BRSK2: variants seen among roughly 807,000 people sequenced by gnomAD.
The protein encoded by BRSK2 is serine/threonine-protein kinase BRSK2.
BRSK2 carries 19 observed loss-of-function variants against 83.3 expected under a neutral mutation model. The ratio of observed to expected loss-of-function variants is 0.23; its 90% CI spans 0.16 to 0.33. BRSK2 has a LOEUF of 0.33. Ranked by LOEUF, BRSK2 falls within the 10% of genes least tolerant of loss-of-function variation. BRSK2 has a pLI of 1.00. For missense variants in BRSK2, 798 were observed against 1,042.3 expected (o/e 0.77, Z 3.23); for synonymous variants, 519 against 435.4 (o/e 1.19, Z -2.39).
At position 1,436,115 on chromosome 11, in the gene BRSK2, G is replaced by A. The variant is rs1456435938; in HGVS notation, c.167G>A (p.Ser56Asn). 6.3e-7 allele frequency: 1 copy of A among 1,594,002 alleles called. No homozygotes were observed. Among genetic ancestry groups the A allele is most frequent in the Non-Finnish European group, 8.5e-7 (1 of 1,171,396 alleles). Reference sequence around the variant, plus strand: ...AAGATCGTCAACCGTGAGAAGCTCAGCGAGTCGGTGCTGATGAAGGTGGGT... The same window carrying A: ...AAGATCGTCAACCGTGAGAAGCTCAACGAGTCGGTGCTGATGAAGGTGGGT... ...AIKIVNREKL[S>N]ESVLMKVERE... is the part of the protein sequence containing the mutation. Residue 56 changes from serine (S) to asparagine (N), a missense_variant, in exon 2 of 20, where the codon AGC becomes AAC. Coordinates refer to ENST00000528841, the MANE Select transcript of BRSK2 (RefSeq NM_001256627.2).
intron 1 of BRSK2, among the ~76,000 whole-genome samples, chr11:1,392,042 C>G (rs1187486632): frequency 6.6e-6 from 1 of 152,094 alleles, no homozygotes; most frequent in African/African-American, 2.4e-5. Flanking sequence ...ACAAAGCGGC[C>G]CCTCTCTCCC....
chr11:1,447,442 C>G (rs1852306714), intron 12 of BRSK2, among the ~76,000 whole-genome samples: 1 of 152,202 alleles, frequency 6.6e-6, no homozygotes, highest in Non-Finnish European at 1.5e-5. Context: ...AGGCCATGGA[C>G]CATTCCGGGG....
chr11:1,410,648 C>G, intron 1 of BRSK2: 1 of 985,428 alleles, frequency 1.0e-6, no homozygotes, highest in Non-Finnish European at 1.2e-6. Context: ...GTCACCCACC[C>G]AGGCACACCT....
intron 1 of BRSK2, among the ~76,000 whole-genome samples, chr11:1,400,204 C>T (rs566780097): frequency 2.0e-5 from 3 of 152,338 alleles, no homozygotes; most frequent in South Asian, 4.1e-4. Context: ...AGTGGGCAGG[C>T]GCTGGGCTCT....
Position 1,454,685 on chromosome 11 carries a change from T to C in BRSK2, c.1668+77T>C. ...GCCCAGCCCCGAGAATCCAGCCTCC[T>C]CACGTAGACAGGACATGTCCACGCG... On this transcript the variant is annotated intron_variant, in intron 16 of 19. Coordinates refer to ENST00000528841, the MANE Select transcript of BRSK2 (RefSeq NM_001256627.2). The surrounding 1 kb of genome is among the most constrained non-coding windows in gnomAD (Gnocchi z 5.2). 1 of 1,564,144 alleles carries C rather than the reference T, an allele frequency of 6.4e-7. No homozygotes were observed. The highest frequency in any genetic ancestry group is 8.7e-7 in the Non-Finnish European group (1 of 1,147,852).
intron 1 of BRSK2, among the ~76,000 whole-genome samples, chr11:1,403,179 C>T (rs569335529): frequency 5.9e-5 from 9 of 152,276 alleles, no homozygotes; most frequent in African/African-American, 1.9e-4. Flanking sequence ...GTCTGTGTCA[C>T]GCTACCCTTC....
chr11:1,391,116 G>A (rs113932810), intron 1 of BRSK2, among the ~76,000 whole-genome samples: 1 of 152,228 alleles, frequency 6.6e-6, no homozygotes, highest in African/African-American at 2.4e-5. Context: ...CTGCGGGGCC[G>A]AACCCAGGCC....
intron 8 of BRSK2, among the ~76,000 whole-genome samples, chr11:1,444,529 T>C (rs6578384): frequency 1 from 152,097 of 152,204 alleles, 75,995 homozygotes; most frequent in Middle Eastern, 1. Context: ...GCCGGGTTCT[T>C]CTGGCTTCAG....
intron 1 of BRSK2, among the ~76,000 whole-genome samples, chr11:1,397,379 G>A (rs959412043): frequency 2.6e-5 from 4 of 152,220 alleles, no homozygotes; most frequent in Non-Finnish European, 5.9e-5. Context: ...TTGTTCTACC[G>A]CCTCTGAGGG....
chr11:1,421,741 C>G (rs1848650158), intron 1 of BRSK2, among the ~76,000 whole-genome samples: 2 of 151,688 alleles, frequency 1.3e-5, no homozygotes, highest in Non-Finnish European at 1.5e-5. Context: ...GTGCATAGAG[C>G]CTGGGTGCCC....
intron 1 of BRSK2, chr11:1,410,569 G>A (rs751049819): frequency 2.2e-5 from 22 of 985,346 alleles, no homozygotes; most frequent in Non-Finnish European, 2.7e-5. Context: ...ATGTCGTCAG[G>A]CTCTCTGGTC....
chr11:1,460,419 TC>T, intron 19 of BRSK2, 80 bp from the exon 20 acceptor site: 1 of 945,706 alleles, frequency 1.1e-6, no homozygotes, highest in Non-Finnish European at 1.4e-6. Flanking sequence ...TCTCTCTCCT[TC>T]CCTCCCCTCC....
At chr11:1,427,079 G>A (rs192158909) in intron 1 of BRSK2, among the ~76,000 whole-genome samples, 227 of 152,268 alleles carry the variant, frequency 1.5e-3, no homozygotes, top group African/African-American at 5.0e-3. Flanking sequence ...AGAGCAGCCC[G>A]TCCAGCCCTA....
At chr11:1,408,967 GGTGTGT>G (rs149657655) in intron 1 of BRSK2, among the ~76,000 whole-genome samples, 5 of 120,906 alleles carry the variant, frequency 4.1e-5, no homozygotes, top group Non-Finnish European at 9.6e-5. Flanking sequence ...TGCCTGTGCA[GGTGTGT>G]GTGTGTGTGT....
At chr11:1,401,422 G>T (rs566129344) in intron 1 of BRSK2, among the ~76,000 whole-genome samples, 2 of 152,210 alleles carry the variant, frequency 1.3e-5, no homozygotes, top group Non-Finnish European at 2.9e-5. Flanking sequence ...AGAATAGGTC[G>T]CTCTTCCAGT....
chr11:1,395,181 G>GGCA (rs1173308129), intron 1 of BRSK2, among the ~76,000 whole-genome samples: 1 of 152,168 alleles, frequency 6.6e-6, no homozygotes, highest in African/African-American at 2.4e-5. Context: ...GTTTTGTCAG[G>GGCA]GCAGCAGCAG....
intron 1 of BRSK2, chr11:1,410,905 AGGT>A: frequency 5.1e-6 from 5 of 987,058 alleles, no homozygotes; most frequent in Non-Finnish European, 4.8e-6. Flanking sequence ...TTTGTGCAGA[AGGT>A]GGGTGTTCCC....
rs116415969 is a variant in BRSK2, at chr11:1,429,511, C to G, written c.92-6529C>G. Among the ~76,000 whole-genome samples, 356 of 149,296 alleles carry G rather than the reference C, an allele frequency of 2.4e-3. 10 individuals are homozygous for G. The highest frequency in any genetic ancestry group is 8.5e-3 in the African/African-American group (327 of 38,680). On this transcript the variant is annotated intron_variant, in intron 1 of 19. Coordinates refer to ENST00000528841, the MANE Select transcript of BRSK2 (RefSeq NM_001256627.2). ...CCTGCCCAGGGCCCTGCTGCTCTGT[C>G]GCCAGCATCCTGCTGTGCCCAGCAG...
intron 18 of BRSK2, among the ~76,000 whole-genome samples, chr11:1,458,550 C>T (rs1471323392): frequency 1.3e-5 from 2 of 152,176 alleles, no homozygotes; most frequent in African/African-American, 4.8e-5. Flanking sequence ...TCCTCAGACA[C>T]TGCCCACCCC....
Sources: allele counts gnomAD v4.1 joint callset (sites outside exome capture counted in the v4.1 genomes callset), GRCh38; gene constraint gnomAD v4.1.1; non-coding constraint Gnocchi (gnomAD v3.1); transcripts MANE v1.5; gene names NCBI Gene and HGNC (gene_info 2026-07-23, HGNC 2026-07-21).